Variants in ANKFN1 observed in about 807,000 individuals in gnomAD.
The protein encoded by ANKFN1 is ankyrin repeat and fibronectin type III domain containing 1.
In ANKFN1, 74 loss-of-function variants were observed where a neutral mutation model predicts 108.7. That is an observed-to-expected ratio of 0.68 (90% CI 0.56 to 0.83). The LOEUF (loss-of-function observed/expected upper bound fraction) is 0.83. Ranked by LOEUF, ANKFN1 falls within the 40% of genes least tolerant of loss-of-function variation. The pLI is 0.00. For synonymous variants in ANKFN1, 547 were observed against 516.2 expected (o/e 1.06, Z -0.81); for missense variants, 1,505 against 1,382.3 (o/e 1.09, Z -1.41).
chr17:56,174,762 C>T (rs540843086), intron 1 of ANKFN1, among the ~76,000 whole-genome samples: 4 of 152,332 alleles, frequency 2.6e-5, no homozygotes, highest in South Asian at 2.1e-4. Flanking sequence ...ATCTCCCTAG[C>T]GGAGTCCCTC....
Position 56,267,247 on chromosome 17 carries a change from A to G in ANKFN1, c.53+39290A>G, listed in dbSNP as rs915214151. Among the ~76,000 whole-genome samples the G allele has an allele frequency of 5.3e-5, 8 of 152,132 alleles. No individual in the cohort carries two copies. In the South Asian group the frequency reaches 6.2e-4, roughly 12 times the overall value. ...AATTTACTGTAAGAAGTGTCTGTTCATGTCTTTGCCCATTTTTTAAATGAG... is the reference window on the plus strand; with the variant it reads ...AATTTACTGTAAGAAGTGTCTGTTCGTGTCTTTGCCCATTTTTTAAATGAG... On this transcript the variant is annotated intron_variant, in intron 3 of 20. Transcript: ENST00000682825.
intron 1 of ANKFN1, among the ~76,000 whole-genome samples, chr17:56,211,815 A>G (rs1158420300): frequency 6.6e-6 from 1 of 150,398 alleles, no homozygotes; most frequent in Non-Finnish European, 1.5e-5. Context: ...GAGGTATTTC[A>G]CCTCCTTGGT....
intron 3 of ANKFN1, among the ~76,000 whole-genome samples, chr17:56,271,416 A>G (rs1424986439): frequency 6.6e-6 from 1 of 152,208 alleles, no homozygotes; most frequent in Non-Finnish European, 1.5e-5. Flanking sequence ...GACACAGGGA[A>G]GTAGCTCAAT....
intron 4 of ANKFN1, among the ~76,000 whole-genome samples, chr17:56,065,908 TACTC>T (rs1465326717): frequency 6.6e-6 from 1 of 152,230 alleles, no homozygotes; most frequent in Non-Finnish European, 1.5e-5. Context: ...CCAATAGACT[TACTC>T]ACTGCAGAAT....
intron 8 of ANKFN1, among the ~76,000 whole-genome samples, chr17:56,392,312 TAACA>T (rs906039108): frequency 6.6e-5 from 10 of 152,104 alleles, no homozygotes; most frequent in Non-Finnish European, 1.5e-4. Flanking sequence ...GTCTCTGAAT[TAACA>T]AACAAATGCA....
At chr17:56,427,093 A>G (rs182783904) in intron 8 of ANKFN1, among the ~76,000 whole-genome samples, 1 of 152,348 alleles carries the variant, frequency 6.6e-6, no homozygotes, top group East Asian at 1.9e-4. Context: ...TGGCCTCCCA[A>G]GAAGGTCTGG....
intron 1 of ANKFN1, among the ~76,000 whole-genome samples, chr17:56,164,316 C>A (rs1220520099): frequency 6.6e-6 from 1 of 152,168 alleles, no homozygotes; most frequent in Admixed American, 6.5e-5. Flanking sequence ...GCCCATCTCC[C>A]TACTCCTTGG....
chr17:56,077,850 C>G (rs1249506042), intron 4 of ANKFN1, among the ~76,000 whole-genome samples: 1 of 152,204 alleles, frequency 6.6e-6, no homozygotes, highest in Non-Finnish European at 1.5e-5. Context: ...CAGGTTGTCA[C>G]TCATCCATTA....
chr17:56,213,024 G>A (rs923380307), intron 2 of ANKFN1, among the ~76,000 whole-genome samples: 5 of 152,150 alleles, frequency 3.3e-5, no homozygotes, highest in East Asian at 1.9e-4. Context: ...TTTATTCCAG[G>A]CAGTGCACTA....
At chr17:56,097,640 G>A (rs1483912848) in intron 4 of ANKFN1, among the ~76,000 whole-genome samples, 1 of 152,202 alleles carries the variant, frequency 6.6e-6, no homozygotes, top group Non-Finnish European at 1.5e-5. Flanking sequence ...AACACAGTCA[G>A]TTCATATCAC....
At chr17:56,400,802 A>T (rs186557319) in intron 8 of ANKFN1, among the ~76,000 whole-genome samples, 2 of 152,254 alleles carry the variant, frequency 1.3e-5, no homozygotes, top group Non-Finnish European at 1.5e-5. Context: ...ATTCTCCTAC[A>T]TGTGGCTAGC....
At chr17:56,303,982 C>A (rs571899805) in intron 3 of ANKFN1, among the ~76,000 whole-genome samples, 17 of 151,914 alleles carry the variant, frequency 1.1e-4, no homozygotes, top group Non-Finnish European at 2.2e-4. Context: ...AGGCGTGAGC[C>A]ACCATACCTG....
In ANKFN1 at chr17:56,142,218, C is replaced by T. The variant is rs113767962; in HGVS notation, c.289-85699C>T. Among the ~76,000 whole-genome samples, 609 of 152,172 alleles carry T rather than the reference C, an allele frequency of 4.0e-3. 1 individual carries two copies. The highest frequency in any genetic ancestry group is 5.6e-3 in the Non-Finnish European group (384 of 67,992). On this transcript the variant is annotated intron_variant, in intron 4 of 12. Transcript: ENST00000635860. ...TGCTGGGATTACAGGCATGAGCCAC[C>T]GCACCTGGCCAGCTAGGGCTTACTT... is the stretch of plus-strand genomic sequence containing the variant.
intron 1 of ANKFN1, chr17:56,174,066 T>C (rs1910909201): frequency 3.6e-6 from 2 of 555,904 alleles, no homozygotes; most frequent in African/African-American, 4.1e-5. Context: ...GTACTTGCTG[T>C]GCTATCAGGT....
intron 4 of ANKFN1, among the ~76,000 whole-genome samples, chr17:56,128,199 G>A (rs568936846): frequency 6.6e-6 from 1 of 150,970 alleles, no homozygotes; most frequent in South Asian, 2.1e-4. Context: ...AGCCTAAGGG[G>A]TTTGTTTTTA....
chr17:56,074,771 A>C (rs1905162160), intron 4 of ANKFN1, among the ~76,000 whole-genome samples: 1 of 152,236 alleles, frequency 6.6e-6, no homozygotes, highest in South Asian at 2.1e-4. Context: ...ACTTCAAGAC[A>C]GAATCATCCT....
intron 3 of ANKFN1, among the ~76,000 whole-genome samples, chr17:56,260,202 G>T (rs2043471982): frequency 6.6e-6 from 1 of 152,138 alleles, no homozygotes; most frequent in Non-Finnish European, 1.5e-5. Flanking sequence ...AATAATAAAA[G>T]AAAGCTCATA....
intron 19 of ANKFN1, among the ~76,000 whole-genome samples, chr17:56,494,146 T>G (rs1414731281): frequency 6.6e-6 from 1 of 152,152 alleles, no homozygotes; most frequent in African/African-American, 2.4e-5. Context: ...ATATTGTAAT[T>G]TACTTGCAAA....
chr17:56,337,594 TG>T, intron 4 of ANKFN1, among the ~76,000 whole-genome samples: 1 of 141,532 alleles, frequency 7.1e-6, no homozygotes, highest in East Asian at 2.1e-4. Flanking sequence ...TCCAAAGAAC[TG>T]AAACAAATTT....
Sources: allele counts gnomAD v4.1 joint callset (sites outside exome capture counted in the v4.1 genomes callset), GRCh38; gene constraint gnomAD v4.1.1; transcripts MANE v1.5; gene names NCBI Gene and HGNC (gene_info 2026-07-23, HGNC 2026-07-21).